KCTD1: variants seen among roughly 807,000 people sequenced by gnomAD.
KCTD1 encodes the protein potassium channel tetramerization domain containing 1.
A neutral mutation model predicts 66.0 loss-of-function variants in KCTD1; 24 were observed. That is an observed-to-expected ratio of 0.36 (90% CI 0.26 to 0.51). KCTD1 has a LOEUF of 0.51. Among genes scored for constraint, KCTD1 ranks in the 20% least tolerant of loss-of-function variants. The probability of loss-of-function intolerance (pLI) is 0.95; values close to 1 mark genes in which losing one functional copy is unlikely to be tolerated. For missense variants in KCTD1, 943 were observed against 1,205.2 expected (o/e 0.78, Z 3.22); for synonymous variants, 511 against 517.2 (o/e 0.99, Z 0.16).
At chr18:26,631,049 G>T (rs530503), upstream of KCTD1, among the ~76,000 whole-genome samples, 151,653 of 152,348 alleles carry the variant, frequency 1, 75,487 homozygotes, top group Middle Eastern at 1. Context: ...TCAGACAATA[G>T]AATCTCTCAT....
chr18:26,614,640 G>T (rs1391050795), intron 1 of KCTD1, among the ~76,000 whole-genome samples: 5 of 152,168 alleles, frequency 3.3e-5, no homozygotes, highest in African/African-American at 4.8e-5. Context: ...AAGGAGACTT[G>T]GGGCCTGATC....
At chr18:26,537,920 G>T (rs1984786369) in intron 1 of KCTD1, among the ~76,000 whole-genome samples, 1 of 152,182 alleles carries the variant, frequency 6.6e-6, no homozygotes, top group Non-Finnish European at 1.5e-5. Context: ...CCATCAGTGG[G>T]CTGCCCAAAT....
At chr18:26,472,990 T>C (rs1981150740) in intron 3 of KCTD1, among the ~76,000 whole-genome samples, 1 of 152,232 alleles carries the variant, frequency 6.6e-6, no homozygotes, top group Admixed American at 6.5e-5. Context: ...GACTGAGGGC[T>C]GGAGGCAGAG....
chr18:26,545,400 C>T (rs947954997), intron 1 of KCTD1: 2 of 152,222 alleles, frequency 1.3e-5, no homozygotes, highest in African/African-American at 4.8e-5. Context: ...ACATAGCCTA[C>T]AGGTCTTGTG....
chr18:26,538,058 C>T (rs1003339116), intron 1 of KCTD1, among the ~76,000 whole-genome samples: 2 of 151,738 alleles, frequency 1.3e-5, no homozygotes, highest in Non-Finnish European at 2.9e-5. Context: ...ACCAGCCTGG[C>T]CAACATGGTG....
intron 2 of KCTD1, among the ~76,000 whole-genome samples, chr18:26,479,557 G>C (rs1398689981): frequency 6.6e-6 from 1 of 152,264 alleles, no homozygotes; most frequent in Non-Finnish European, 1.5e-5. Flanking sequence ...AGAGAAAGAG[G>C]AAAGGGCTGG....
rs1421604063 is a variant in KCTD1, at chr18:26,468,741, G to A, written c.2133+7774C>T. On this transcript the variant is annotated intron_variant, in intron 3 of 4. Coordinates refer to ENST00000580059, the MANE Select transcript of KCTD1 (RefSeq NM_001142730.3). The surrounding 1 kb of genome is among the most constrained non-coding windows in gnomAD (Gnocchi z 4.8). ...CGTGTGCCTGTAGTCCAGCTACTTG[G>A]GAGGCTGAGGAAAGAGAACTGCTTG... Among the ~76,000 whole-genome samples, 5 of 152,134 alleles carry A rather than the reference G, an allele frequency of 3.3e-5. No homozygotes were observed. Among genetic ancestry groups the A allele is most frequent in the African/African-American group, 1.2e-4 (5 of 41,434 alleles).
intron 1 of KCTD1, chr18:26,599,907 G>C: frequency 6.4e-7 from 1 of 1,559,112 alleles, no homozygotes; most frequent in Non-Finnish European, 8.8e-7. Context: ...ACTTTGAAGT[G>C]GGTTCTTCTA....
chr18:26,455,625 T>G lies in KCTD1; in HGVS notation c.*118A>C, dbSNP rs1980030364. On this transcript the variant is annotated 3_prime_UTR_variant, in exon 5 of 5. Coordinates refer to ENST00000580059, the MANE Select transcript of KCTD1 (RefSeq NM_001142730.3). Reference sequence around the variant, plus strand: ...GGTCTCTATTGGATATAAATGTGTCTTTTATTCGATTTTACGTCCAGGACT... The same window carrying G: ...GGTCTCTATTGGATATAAATGTGTCGTTTATTCGATTTTACGTCCAGGACT... 2 of 1,292,586 alleles carry G rather than the reference T, an allele frequency of 1.5e-6. No homozygotes were observed. Among genetic ancestry groups the G allele is most frequent in the African/African-American group, 3.0e-5 (2 of 67,122 alleles). The allele number at this position is 1,292,586 out of a possible 1,614,324, so 80.1% of individuals were successfully genotyped here. A position where few individuals can be genotyped will look rare whatever the true frequency, so the allele number is the denominator to read the frequency against.
At chr18:26,555,260 C>T (rs912897938) in intron 1 of KCTD1, among the ~76,000 whole-genome samples, 2 of 152,142 alleles carry the variant, frequency 1.3e-5, no homozygotes, top group African/African-American at 4.8e-5. Context: ...ACACTTTCTA[C>T]CCAAATGTTG....
At chr18:26,567,635 G>C (rs999036550) in intron 1 of KCTD1, among the ~76,000 whole-genome samples, 2 of 151,920 alleles carry the variant, frequency 1.3e-5, no homozygotes, top group Non-Finnish European at 2.9e-5. Flanking sequence ...TTACAGGCAT[G>C]CACCACCACA....
chr18:26,597,500 A>G (rs894098577), intron 1 of KCTD1, among the ~76,000 whole-genome samples: 1 of 152,172 alleles, frequency 6.6e-6, no homozygotes, highest in Non-Finnish European at 1.5e-5. Context: ...GAAGTTTTGC[A>G]AGATAAGCAG....
At chr18:26,623,062 A>G (rs1460274331) in intron 1 of KCTD1, among the ~76,000 whole-genome samples, 1 of 151,698 alleles carries the variant, frequency 6.6e-6, no homozygotes, top group East Asian at 1.9e-4. Flanking sequence ...TTTCATTTTT[A>G]ATGTCTGGTC....
chr18:26,530,717 A>G (rs1406862315), intron 1 of KCTD1, among the ~76,000 whole-genome samples: 1 of 152,250 alleles, frequency 6.6e-6, no homozygotes, highest in Non-Finnish European at 1.5e-5. Flanking sequence ...CACTGTCTTA[A>G]TCGTCTGACC....
At chr18:26,471,160 C>G (rs1981039946) in intron 3 of KCTD1, among the ~76,000 whole-genome samples, 1 of 152,128 alleles carries the variant, frequency 6.6e-6, no homozygotes, top group Admixed American at 6.5e-5. Context: ...CCCAGGTCTC[C>G]TGCCTGAGTC....
chr18:26,470,383 T>A (rs996715419), intron 3 of KCTD1, among the ~76,000 whole-genome samples: 3 of 152,314 alleles, frequency 2.0e-5, no homozygotes, highest in African/African-American at 7.2e-5. Context: ...GACAGAGTCT[T>A]GTGAGTTGAA....
chr18:26,474,880 G>A (rs145702512), intron 3 of KCTD1, among the ~76,000 whole-genome samples: 2 of 151,460 alleles, frequency 1.3e-5, no homozygotes, highest in African/African-American at 4.8e-5. Flanking sequence ...TACTTTTATT[G>A]CCCTCGTTTT....
intron 1 of KCTD1, among the ~76,000 whole-genome samples, chr18:26,605,739 T>C (rs989560539): frequency 1.3e-5 from 2 of 148,244 alleles, no homozygotes; most frequent in Admixed American, 1.3e-4. Context: ...TATCTATCTA[T>C]CTATCTATCT....
At chr18:26,586,071 C>T (rs75999751) in intron 1 of KCTD1, among the ~76,000 whole-genome samples, 11,312 of 152,154 alleles carry the variant, frequency 0.074, 545 homozygotes, top group Admixed American at 0.12. Context: ...CTCTTCAATA[C>T]AATTCAATTG....
Sources: allele counts gnomAD v4.1 joint callset (sites outside exome capture counted in the v4.1 genomes callset), GRCh38; gene constraint gnomAD v4.1.1; non-coding constraint Gnocchi (gnomAD v3.1); transcripts MANE v1.5; gene names NCBI Gene and HGNC (gene_info 2026-07-23, HGNC 2026-07-21).